The following MFAP3L variants were observed in gnomAD, a reference collection of about 807,000 sequenced individuals.
MFAP3L encodes the protein microfibrillar-associated protein 3-like.
Under a neutral mutation model 20.0 loss-of-function variants are expected in MFAP3L, and 5 were observed. The ratio of observed to expected loss-of-function variants is 0.25; its 90% CI spans 0.13 to 0.53. The LOEUF (loss-of-function observed/expected upper bound fraction) is 0.53. Ranked by LOEUF, MFAP3L falls within the 20% of genes least tolerant of loss-of-function variation. The pLI is 0.96. For missense variants in MFAP3L, 409 were observed against 527.5 expected (o/e 0.78, Z 2.20); for synonymous variants, 219 against 213.0 (o/e 1.03, Z -0.25).
At chr4:170,025,817 C>T (rs934729712) in intron 1 of MFAP3L, among the ~76,000 whole-genome samples, 1 of 152,146 alleles carries the variant, frequency 6.6e-6, no homozygotes, top group Admixed American at 6.5e-5. Context: ...CCCTGGCCAG[C>T]GCACGCTCCT....
At position 170,023,589 on chromosome 4, in the gene MFAP3L, T is replaced by C. The variant is rs191318914; in HGVS notation, c.-134+2645A>G. Among the ~76,000 whole-genome samples the C allele has an allele frequency of 1.9e-4, 29 of 152,312 alleles. No homozygotes were observed. The East Asian group carries it at 5.2e-3, about 27-fold the overall frequency. ...TAACCGCAATGTGATATGCCATAGATTGAAAACATTGTCAAAGTTTTAAGT... is the reference window on the plus strand; with the variant it reads ...TAACCGCAATGTGATATGCCATAGACTGAAAACATTGTCAAAGTTTTAAGT... On this transcript the variant is annotated intron_variant, in intron 1 of 2. Transcript: ENST00000361618.
chr4:170,008,040 T>C (rs1739155945), intron 1 of MFAP3L, among the ~76,000 whole-genome samples: 1 of 152,224 alleles, frequency 6.6e-6, no homozygotes, highest in Non-Finnish European at 1.5e-5. Context: ...CACATTGTGC[T>C]AGCAGAGTAA....
chr4:170,023,405 G>A (rs1207989096), intron 1 of MFAP3L, among the ~76,000 whole-genome samples: 1 of 152,004 alleles, frequency 6.6e-6, no homozygotes, highest in African/African-American at 2.4e-5. Context: ...ACATTCACAG[G>A]ACTTCTGTTT....
chr4:169,990,988 T>C lies in MFAP3L; in HGVS notation c.*390A>G. 5.2e-6 allele frequency: 1 copy of C among 193,328 alleles called. No homozygotes were observed. Among genetic ancestry groups the C allele is most frequent in the Non-Finnish European group, 1.1e-5 (1 of 93,880 alleles). The allele number at this position is 193,328 out of a possible 1,614,324, so 12.0% of individuals were successfully genotyped here. A position where few individuals can be genotyped will look rare whatever the true frequency, so the allele number is the denominator to read the frequency against. The stretch of plus-strand genomic sequence containing the variant: ...ACCCACGTACGTGCATTTGCTATTG[T>C]AGCAGACCTATACTTTTTAAAAGGA... On this transcript the variant is annotated 3_prime_UTR_variant, in exon 3 of 3. Transcript: ENST00000361618.
chr4:170,013,341 T>C (rs1406746276), intron 1 of MFAP3L, among the ~76,000 whole-genome samples: 1 of 152,096 alleles, frequency 6.6e-6, no homozygotes, highest in East Asian at 1.9e-4. Context: ...TTTACTACAG[T>C]CTTTTAAAGA....
intron 2 of MFAP3L, among the ~76,000 whole-genome samples, chr4:169,996,438 T>A (rs556436362): frequency 2.0e-5 from 3 of 151,682 alleles, no homozygotes; most frequent in Admixed American, 2.0e-4. Context: ...AAACATCCAG[T>A]TCCAAGAGAA....
At chr4:170,023,926 T>C (rs138762275) in intron 1 of MFAP3L, among the ~76,000 whole-genome samples, 30 of 152,334 alleles carry the variant, frequency 2.0e-4, no homozygotes, top group African/African-American at 7.2e-4. Flanking sequence ...GATTGGGGGA[T>C]AGATCTATTT....
intron 1 of MFAP3L, among the ~76,000 whole-genome samples, chr4:170,025,436 T>C (rs1053397418): frequency 1.1e-4 from 17 of 152,188 alleles, no homozygotes; most frequent in African/African-American, 4.1e-4. Flanking sequence ...TCCTTAAAAA[T>C]AATGACAGTT....
At chr4:170,000,302 T>C (rs1357106150) in intron 2 of MFAP3L, among the ~76,000 whole-genome samples, 1 of 152,232 alleles carries the variant, frequency 6.6e-6, no homozygotes, top group Non-Finnish European at 1.5e-5. Context: ...GATAGGAATT[T>C]CTTTTGCATT....
At chr4:170,006,040 C>A in intron 1 of MFAP3L, 30 bp from the exon 2 acceptor site, 1 of 1,393,780 alleles carries the variant, frequency 7.2e-7, no homozygotes, top group East Asian at 2.5e-5. Flanking sequence ...AATATATACA[C>A]ATAAACATTA....
At chr4:169,997,707 G>A in intron 2 of MFAP3L, 3 of 985,368 alleles carry the variant, frequency 3.0e-6, no homozygotes, top group Non-Finnish European at 3.6e-6. Context: ...TAGGTATAAG[G>A]GGCAGGCCCG....
At chr4:170,009,154 G>A (rs1338023023) in intron 1 of MFAP3L, among the ~76,000 whole-genome samples, 1 of 152,076 alleles carries the variant, frequency 6.6e-6, no homozygotes, top group African/African-American at 2.4e-5. Context: ...GGAGGCTGAC[G>A]CAGGCGGATC....
chr4:169,991,479 C>A lies in MFAP3L; in HGVS notation c.1129G>T (p.Glu377Ter). Residue 377 changes from glutamate to a stop codon, truncating the protein, a stop_gained, in exon 3 of 3, where the codon GAG becomes TAG. Coordinates refer to ENST00000361618, the MANE Select transcript of MFAP3L (RefSeq NM_021647.8). LOFTEE classifies it high-confidence loss of function. This position sits in a 1 kb window ranked among gnomAD's most constrained non-coding sequence, Gnocchi z 4.9. Reference protein sequence around the residue: ...ELTSEEPTPVEVPDKVLPPAY... With the variant: ...ELTSEEPTPV The stretch of plus-strand genomic sequence containing the variant: ...GGCGGCAGTACCTTATCTGGTACCT[C>A]AACAGGTGTTGGCTCTTCAGATGTT... 2 of 1,614,098 alleles carry A rather than the reference C, an allele frequency of 1.2e-6. No individual in the cohort carries two copies. The highest frequency in any genetic ancestry group is 1.7e-6 in the Non-Finnish European group (2 of 1,180,014).
chr4:170,019,707 C>T (rs1739910733), intron 1 of MFAP3L, among the ~76,000 whole-genome samples: 1 of 152,168 alleles, frequency 6.6e-6, no homozygotes, highest in South Asian at 2.1e-4. Context: ...TTTATTCTAA[C>T]CCATTTATTT....
At chr4:170,009,922 G>A (rs1373540103) in intron 1 of MFAP3L, among the ~76,000 whole-genome samples, 1 of 152,144 alleles carries the variant, frequency 6.6e-6, no homozygotes, top group Non-Finnish European at 1.5e-5. Context: ...GTCAATTTGG[G>A]TATTGCCCCA....
At chr4:169,998,236 T>A (rs115768262) in intron 2 of MFAP3L, among the ~76,000 whole-genome samples, 3 of 152,238 alleles carry the variant, frequency 2.0e-5, no homozygotes, top group African/African-American at 7.2e-5. Context: ...AGGTAGCCCA[T>A]CTGGCAATGA....
rs1266310915 is a variant in MFAP3L at position 169,989,412 on chromosome 4, G to A, written c.*1966C>T. The A allele has an allele frequency of 1.3e-5, 2 of 152,162 alleles. No individual in the cohort carries two copies. The highest frequency in any genetic ancestry group is 4.8e-5 in the African/African-American group (2 of 41,432). The allele number at this position is 152,162 out of a possible 1,614,324, so 9.4% of individuals were successfully genotyped here. On this transcript the variant is annotated 3_prime_UTR_variant, in exon 3 of 3. Transcript: ENST00000361618. ...CAAGCCCACTGCTCTCAATTACAGA[G>A]CCAGATAATGTTTGTTGTAAAGTTT...
Position 169,992,121 on chromosome 4 carries a change from T to C in MFAP3L, c.487A>G (p.Ile163Val), listed in dbSNP as rs1273579280. The C allele has an allele frequency of 1.2e-6, 2 of 1,614,144 alleles. No individual in the cohort carries two copies. Among genetic ancestry groups the C allele is most frequent in the East Asian group, 2.2e-5 (1 of 44,880 alleles). Residue 163 changes from isoleucine (I) to valine (V), a missense_variant, in exon 3 of 3, where the codon ATC becomes GTC. Ile to Val is a conservative substitution (Grantham distance 29). Coordinates refer to ENST00000361618, the MANE Select transcript of MFAP3L (RefSeq NM_021647.8). This position sits in a 1 kb window ranked among gnomAD's most constrained non-coding sequence, Gnocchi z 4.3. ...CGGGTGATATTGAGGACCATGACGA[T>C]GGTGAAGGCCACCAGGCACACGACC... is the stretch of plus-strand genomic sequence containing the variant. ...YMVVCLVAFTIVMVLNITRLC... is the reference protein window; with the variant it reads ...YMVVCLVAFTVVMVLNITRLC...
In MFAP3L at chr4:170,005,752, GACC is replaced by G. The variant is rs1560980199; in HGVS notation, c.123_125del (p.Val42del). ...CAATGATTACGGGCACAGAGCCCAAGACCACGTTAGTGCCATTTAAAGTGCTGT... is the reference window on the plus strand; with the variant it reads ...CAATGATTACGGGCACAGAGCCCAAGACGTTAGTGCCATTTAAAGTGCTGT... On this transcript the variant is annotated inframe_deletion, in exon 2 of 3. Coordinates refer to ENST00000361618, the MANE Select transcript of MFAP3L (RefSeq NM_021647.8). 6.2e-7 allele frequency: 1 copy of G among 1,614,222 alleles called. No individual in the cohort carries two copies. Among genetic ancestry groups the G allele is most frequent in the African/African-American group, 1.3e-5 (1 of 75,068 alleles).
Sources: gnomAD v4.1 joint callset for allele counts (sites outside exome capture counted in the v4.1 genomes callset) on GRCh38, gnomAD v4.1.1 for gene constraint, Gnocchi (gnomAD v3.1) non-coding constraint, MANE v1.5 for transcripts, NCBI Gene and HGNC (gene_info 2026-07-23, HGNC 2026-07-21) for gene names.